Variants in SH3D21 observed in about 807,000 individuals in gnomAD.
SH3D21 encodes manchette microtubule inner protein 1, also known as SH3 domain-containing protein 21.
A neutral mutation model predicts 82.1 loss-of-function variants in SH3D21; 83 were observed. That is an observed-to-expected ratio of 1.01 (90% CI 0.85 to 1.21). SH3D21 has a LOEUF of 1.21. SH3D21 is among the 50% of genes most tolerant of loss of function. The pLI, the probability that SH3D21 is intolerant of heterozygous loss-of-function variation, is 0.00. For missense variants in SH3D21, 980 were observed against 962.1 expected, an observed-to-expected ratio of 1.02 and a Z score of -0.25; for synonymous variants, 383 against 387.8, an observed-to-expected ratio of 0.99 and a Z score of 0.15.
intron 12 of SH3D21, 40 bp from the exon 13 acceptor site, chr1:36,319,402 G>T (rs1355264281): frequency 1.3e-6 from 2 of 1,550,962 alleles, no homozygotes; most frequent in South Asian, 2.4e-5. Context: ...GAGACTGAGG[G>T]TCAGAGTAGG....
At chr1:36,322,891 A>G (rs1056314736), downstream of SH3D21, 7 of 1,560,454 alleles carry the variant, frequency 4.5e-6, no homozygotes, top group Non-Finnish European at 5.3e-6. Flanking sequence ...GGCGGAGGGG[A>G]CGGACAAGGC....
chr1:36,321,216 T>A lies in SH3D21; in HGVS notation c.*89T>A. The A allele has an allele frequency of 6.5e-7, 1 of 1,529,892 alleles. No individual in the cohort carries two copies. The highest frequency in any genetic ancestry group is 8.8e-7 in the Non-Finnish European group (1 of 1,138,578). 94.8% of individuals were successfully genotyped at this position (1,529,892 alleles called of 1,614,324 possible). On this transcript the variant is annotated 3_prime_UTR_variant, in exon 16 of 16. Transcript: ENST00000453908. This position sits in a 1 kb window ranked among gnomAD's most constrained non-coding sequence, Gnocchi z 6.1. Reference sequence around the variant, plus strand: ...CTTTGGGAAACGCGAGAAAGTAAACTCTGCCTAGCACGGCGCCACGCCGGT... The same window carrying A: ...CTTTGGGAAACGCGAGAAAGTAAACACTGCCTAGCACGGCGCCACGCCGGT...
downstream of SH3D21, chr1:36,322,489 C>T: frequency 1.2e-6 from 2 of 1,603,426 alleles, no homozygotes; most frequent in Non-Finnish European, 8.5e-7. Flanking sequence ...TCCGGCTCTG[C>T]GGACAGCTCG....
chr1:36,308,284 G>A, intron 8 of SH3D21, 75 bp downstream of exon 8: 1 of 1,470,916 alleles, frequency 6.8e-7, no homozygotes, highest in Non-Finnish European at 9.3e-7. Context: ...TGTACCCCCT[G>A]AATCTAAAAT....
At chr1:36,322,372 G>T (rs897624260), downstream of SH3D21, 1 of 1,590,830 alleles carries the variant, frequency 6.3e-7, no homozygotes, top group East Asian at 2.2e-5. Flanking sequence ...AGCAGGTCCG[G>T]CTGCCCGGTG....
intron 10 of SH3D21, among the ~76,000 whole-genome samples, chr1:36,312,098 C>T (rs1646251819): frequency 6.8e-6 from 1 of 147,680 alleles, no homozygotes; most frequent in African/African-American, 2.5e-5. Flanking sequence ...GATCTCGGCT[C>T]ACTGCAAGCT....
downstream of SH3D21, among the ~76,000 whole-genome samples, chr1:36,325,843 C>T (rs1646538220): frequency 6.6e-6 from 1 of 152,216 alleles, no homozygotes; most frequent in African/African-American, 2.4e-5. Context: ...CGCGCCCAGC[C>T]CTGAGGAATA....
chr1:36,312,401 T>C (rs1646259592), intron 10 of SH3D21, among the ~76,000 whole-genome samples: 1 of 152,224 alleles, frequency 6.6e-6, no homozygotes, highest in African/African-American at 2.4e-5. Flanking sequence ...TTTTAAAAAA[T>C]AGACATTCTT....
intron 10 of SH3D21, among the ~76,000 whole-genome samples, chr1:36,318,851 G>A (rs909844106): frequency 6.6e-6 from 1 of 151,694 alleles, no homozygotes; most frequent in African/African-American, 2.4e-5. Flanking sequence ...AGAGCTTGCA[G>A]TGAGCCGAGA....
chr1:36,319,141 C>T lies in SH3D21; in HGVS notation c.840C>T (p.Ala280=). ...CCACAGTCAAGAAGCTAGCAACAGC[C>T]ACCACTGGGCCCAGCAAAGCCAAGT... ...SLPTVKKLAT[A]TTGPSKAKTS... is the part of the protein sequence containing the mutation. Residue 280 remains alanine, a synonymous_variant, in exon 11 of 16, where the codon GCC becomes GCT. Coordinates refer to ENST00000453908, the MANE Select transcript of SH3D21 (RefSeq NM_001162530.2). 1 of 1,551,716 alleles carries T rather than the reference C, an allele frequency of 6.4e-7. No individual in the cohort carries two copies. Among genetic ancestry groups the T allele is most frequent in the Non-Finnish European group, 8.7e-7 (1 of 1,146,954 alleles).
chr1:36,317,622 G>A (rs1489324776), intron 10 of SH3D21, among the ~76,000 whole-genome samples: 1 of 152,138 alleles, frequency 6.6e-6, no homozygotes, highest in African/African-American at 2.4e-5. Context: ...GAGTCCAGTG[G>A]CGCGATCTTG....
chr1:36,328,017 A>G (rs778145366), downstream of SH3D21: 28 of 528,508 alleles, frequency 5.3e-5, no homozygotes, highest in South Asian at 4.2e-4. Flanking sequence ...TCTCCTCCCT[A>G]CCTCCTCGCT....
chr1:36,324,034 A>T (rs1479517771), downstream of SH3D21: 1 of 152,350 alleles, frequency 6.6e-6, no homozygotes, highest in Non-Finnish European at 1.5e-5. Context: ...CCTGAGCTAG[A>T]AACCACCGCT....
downstream of SH3D21, among the ~76,000 whole-genome samples, chr1:36,325,567 C>G (rs144748967): frequency 1.3e-5 from 2 of 151,878 alleles, no homozygotes; most frequent in African/African-American, 2.4e-5. Flanking sequence ...GTTTTTGAGA[C>G]GGAGTCTCGC....
rs566809146 is a variant in SH3D21 at position 36,312,990 on chromosome 1, A to G, written c.769+3400A>G. ...GCCTCCCAAAGTGCTGGGATTACAG[A>G]TGTGAGCCACCACACCTGGCCTATC... On this transcript the variant is annotated intron_variant, in intron 10 of 15. Coordinates refer to ENST00000453908, the MANE Select transcript of SH3D21 (RefSeq NM_001162530.2). Among the ~76,000 whole-genome samples the G allele has an allele frequency of 9.4e-4, 143 of 151,524 alleles. 1 individual carries two copies. Among genetic ancestry groups the G allele is most frequent in the African/African-American group, 3.2e-3 (133 of 41,390 alleles).
At chr1:36,322,641 A>T (rs1447060584), downstream of SH3D21, 1 of 1,545,512 alleles carries the variant, frequency 6.5e-7, no homozygotes, top group Non-Finnish European at 8.7e-7. Context: ...CGCCCACGAG[A>T]TGCTGATGAC....
chr1:36,310,477 G>T (rs374729700), intron 10 of SH3D21, among the ~76,000 whole-genome samples: 2 of 151,954 alleles, frequency 1.3e-5, no homozygotes, highest in Admixed American at 1.3e-4. Flanking sequence ...TTAGCCAGGC[G>T]TGGTAGGCAT....
downstream of SH3D21, chr1:36,321,586 C>T (rs1410481846): frequency 2.3e-6 from 2 of 852,570 alleles, no homozygotes; most frequent in Non-Finnish European, 2.9e-6. The surrounding 1 kb of genome is among the most constrained non-coding windows in gnomAD (Gnocchi z 6.1). Context: ...CAGAGGGACT[C>T]CTGCCCTCTC....
At chr1:36,311,499 CA>C (rs1349227503) in intron 10 of SH3D21, among the ~76,000 whole-genome samples, 1 of 152,214 alleles carries the variant, frequency 6.6e-6, no homozygotes, top group Non-Finnish European at 1.5e-5. Context: ...CTTGGCCTCC[CA>C]AAGTGCTGGG....
Sources: gnomAD v4.1 joint callset for allele counts (sites outside exome capture counted in the v4.1 genomes callset) on GRCh38, gnomAD v4.1.1 for gene constraint, Gnocchi (gnomAD v3.1) non-coding constraint, MANE v1.5 for transcripts, NCBI Gene and HGNC (gene_info 2026-07-23, HGNC 2026-07-21) for gene names.